STAU2: variants seen among roughly 807,000 people sequenced by gnomAD.
STAU2 encodes the protein double-stranded RNA-binding protein Staufen homolog 2.
A neutral mutation model predicts 65.9 loss-of-function variants in STAU2; 20 were observed. The observed-to-expected ratio is 0.30, with a 90% CI of 0.21 to 0.44. The LOEUF (loss-of-function observed/expected upper bound fraction) is 0.44, where lower values mean the gene tolerates loss of function less well. STAU2 is among the 20% of genes least tolerant of loss of function. STAU2 has a pLI of 1.00. For synonymous variants in STAU2, 232 were observed against 233.9 expected (o/e 0.99, Z 0.07); for missense variants, 558 against 683.9 (o/e 0.82, Z 2.05).
chr8:73,616,784 C>A (rs1045646928), intron 7 of STAU2, among the ~76,000 whole-genome samples: 1 of 147,954 alleles, frequency 6.8e-6, no homozygotes, highest in African/African-American at 2.5e-5. Context: ...GGCAACAGAG[C>A]GAGGCTCCAT....
intron 1 of STAU2, among the ~76,000 whole-genome samples, chr8:73,743,459 C>G (rs1807026905): frequency 7.3e-6 from 1 of 136,850 alleles, no homozygotes; most frequent in Non-Finnish European, 1.5e-5. Flanking sequence ...GACTTGCCTT[C>G]TTTTTAATTT....
chr8:73,565,860 T>A (rs1331422728), intron 12 of STAU2, among the ~76,000 whole-genome samples: 1 of 152,206 alleles, frequency 6.6e-6, no homozygotes, highest in Non-Finnish European at 1.5e-5. Context: ...TCAATCAGCC[T>A]ATGATAAAAC....
rs1265980875 is a variant in STAU2, at chr8:73,422,602, G to A, written c.1619+12C>T. 6.7e-7 allele frequency: 1 copy of A among 1,498,898 alleles called. No homozygotes were observed. Among genetic ancestry groups the A allele is most frequent in the Admixed American group, 2.3e-5 (1 of 43,004 alleles). The allele number at this position is 1,498,898 out of a possible 1,614,324, so 92.8% of individuals were successfully genotyped here. On this transcript the variant is annotated intron_variant, in intron 14 of 14. Coordinates refer to ENST00000524300, the MANE Select transcript of STAU2 (RefSeq NM_001164380.2). ...TTAAAAGTGTAAGAATACTGACAGG[G>A]GATTTACTCACTTTTCAAGAGAACC...
intron 13 of STAU2, among the ~76,000 whole-genome samples, chr8:73,539,848 CAA>C (rs539856610): frequency 2.3e-4 from 20 of 87,018 alleles, no homozygotes; most frequent in Admixed American, 4.5e-4. Flanking sequence ...CATCCCCATC[CAA>C]AAAAAAAAAA....
chr8:73,461,165 T>C (rs1807815849), intron 13 of STAU2, among the ~76,000 whole-genome samples: 1 of 152,202 alleles, frequency 6.6e-6, no homozygotes, highest in South Asian at 2.1e-4. Context: ...TCTCAGTTTC[T>C]TCAATGACTA....
intron 13 of STAU2, among the ~76,000 whole-genome samples, chr8:73,499,614 C>A (rs1821625039): frequency 6.6e-6 from 1 of 151,782 alleles, no homozygotes; most frequent in African/African-American, 2.4e-5. Context: ...GGATGGTATC[C>A]ATCCTGTATT....
chr8:73,731,807 T>G (rs1402949342), intron 3 of STAU2, among the ~76,000 whole-genome samples: 4 of 151,970 alleles, frequency 2.6e-5, no homozygotes, highest in Non-Finnish European at 5.9e-5. Flanking sequence ...GGTGCGGTGG[T>G]GCACGTCTGT....
At chr8:73,575,413 T>C (rs916410189) in intron 12 of STAU2, among the ~76,000 whole-genome samples, 4 of 152,194 alleles carry the variant, frequency 2.6e-5, no homozygotes, top group African/African-American at 9.7e-5. Context: ...CTGCTGTCTA[T>C]TGACAGTACT....
chr8:73,563,932 T>C (rs1440327287), intron 12 of STAU2, among the ~76,000 whole-genome samples: 1 of 152,200 alleles, frequency 6.6e-6, no homozygotes, highest in Non-Finnish European at 1.5e-5. Context: ...AAATACCTTT[T>C]TGAGAATTCC....
chr8:73,524,222 G>A (rs189398826), intron 13 of STAU2, among the ~76,000 whole-genome samples: 123 of 152,256 alleles, frequency 8.1e-4, no homozygotes, highest in African/African-American at 2.9e-3. Context: ...AGAGATGCTG[G>A]GACAAGGTGT....
chr8:73,617,192 T>C (rs1812892466), intron 7 of STAU2, 100 bp downstream of exon 7: 4 of 1,391,324 alleles, frequency 2.9e-6, no homozygotes, highest in South Asian at 1.5e-5. Flanking sequence ...CTAGTATTCT[T>C]CCCTATCAGA....
At chr8:73,543,142 T>C (rs932975206) in intron 13 of STAU2, among the ~76,000 whole-genome samples, 2 of 152,214 alleles carry the variant, frequency 1.3e-5, no homozygotes, top group Admixed American at 1.3e-4. Flanking sequence ...TTTCAAAATA[T>C]ACTGAGTGAA....
At chr8:73,504,222 C>G (rs1030691146) in intron 13 of STAU2, among the ~76,000 whole-genome samples, 3 of 152,064 alleles carry the variant, frequency 2.0e-5, no homozygotes, top group Non-Finnish European at 4.4e-5. Flanking sequence ...TTAAAAATGA[C>G]TTCTAATAGC....
At position 73,715,349 on chromosome 8, in the gene STAU2, G is replaced by A. The variant is rs1473357523; in HGVS notation, c.-17-6187C>T. Among the ~76,000 whole-genome samples the A allele has an allele frequency of 7.9e-5, 12 of 151,230 alleles. 1 individual carries two copies. The highest frequency in any genetic ancestry group is 2.1e-4 in the South Asian group (1 of 4,788). ...CACATGCCTGTAGTCCGAGCTATTC[G>A]GGAGGCTGAGGCACCAGAATCGCTT... On this transcript the variant is annotated intron_variant, in intron 3 of 14. Coordinates refer to ENST00000524300, the MANE Select transcript of STAU2 (RefSeq NM_001164380.2).
chr8:73,468,650 G>A (rs1819798893), intron 13 of STAU2, among the ~76,000 whole-genome samples: 1 of 152,222 alleles, frequency 6.6e-6, no homozygotes, highest in African/African-American at 2.4e-5. Context: ...CGAAGGATAT[G>A]AACAGACACT....
At chr8:73,533,511 T>A (rs1241247962) in intron 13 of STAU2, among the ~76,000 whole-genome samples, 1 of 152,222 alleles carries the variant, frequency 6.6e-6, no homozygotes, top group Non-Finnish European at 1.5e-5. Context: ...TACTTTTGCA[T>A]TCTGATATTG....
At chr8:73,441,655 G>C (rs1818147549) in intron 13 of STAU2, 2 of 152,160 alleles carry the variant, frequency 1.3e-5, no homozygotes, top group African/African-American at 4.8e-5. Context: ...AGAATATATA[G>C]CCACCTCTTA....
intron 12 of STAU2, among the ~76,000 whole-genome samples, chr8:73,580,832 AAAG>A (rs1168761450): frequency 6.6e-6 from 1 of 152,188 alleles, no homozygotes; most frequent in African/African-American, 2.4e-5. Context: ...GTGTTCATTC[AAAG>A]AACTCTTAGA....
rs939657400 is a variant in STAU2 at position 73,550,143 on chromosome 8, A to C, written c.1530+1869T>G. The C allele has an allele frequency of 4.1e-6, 4 of 985,296 alleles. No homozygotes were observed. The African/African-American group carries it at 7.0e-5, about 17-fold the overall frequency. The allele number at this position is 985,296 out of a possible 1,614,324, so 61.0% of individuals were successfully genotyped here. On this transcript the variant is annotated intron_variant, in intron 13 of 14. Coordinates refer to ENST00000524300, the MANE Select transcript of STAU2 (RefSeq NM_001164380.2). ...CAATACCAGCTCATTCAACCAAAGA[A>C]GCACAGTAATATTTTAAAATCACCT...
Sources: allele counts gnomAD v4.1 joint callset (sites outside exome capture counted in the v4.1 genomes callset), GRCh38; gene constraint gnomAD v4.1.1; transcripts MANE v1.5; gene names NCBI Gene and HGNC (gene_info 2026-07-23, HGNC 2026-07-21).